NOMO1: variants seen among roughly 807,000 people sequenced by gnomAD.
NOMO1 encodes NODAL modulator 1, also known as nodal modulator 3.
A neutral mutation model predicts 133.8 loss-of-function variants in NOMO1; 40 were observed. The observed-to-expected ratio is 0.30, with a 90% CI of 0.23 to 0.39. NOMO1 has a LOEUF of 0.39. NOMO1 is among the 10% of genes least tolerant of loss of function. The pLI, the probability that NOMO1 is intolerant of heterozygous loss-of-function variation, is 1.00. For synonymous variants in NOMO1, 236 were observed against 570.5 expected (o/e 0.41, Z 8.36); for missense variants, 462 against 1,419.9 (o/e 0.33, Z 10.84).
At chr16:14,868,387 T>C (rs1964034518) in intron 15 of NOMO1, among the ~76,000 whole-genome samples, 161 bp from the exon 16 acceptor site, 1 of 122,694 alleles carries the variant, frequency 8.2e-6, no homozygotes, top group Admixed American at 8.5e-5. Context: ...ATAGCACACT[T>C]TTGTTGGAAG....
intron 11 of NOMO1, among the ~76,000 whole-genome samples, chr16:14,858,726 G>T (rs1407634596): frequency 4.6e-5 from 7 of 152,098 alleles, no homozygotes; most frequent in African/African-American, 1.7e-4. Context: ...GGCCATGAGT[G>T]GTTTTGAGCA....
At chr16:14,842,457 G>A (rs1240013275) in intron 3 of NOMO1, among the ~76,000 whole-genome samples, 1 of 149,714 alleles carries the variant, frequency 6.7e-6, no homozygotes, top group Non-Finnish European at 1.5e-5. Flanking sequence ...CCCTGCTCAT[G>A]GCCAAAGCAG....
intron 11 of NOMO1, among the ~76,000 whole-genome samples, chr16:14,860,576 C>T (rs982925320): frequency 2.0e-5 from 3 of 151,758 alleles, no homozygotes; most frequent in Non-Finnish European, 2.9e-5. Flanking sequence ...GGCGAGGGAG[C>T]GAGGAGTAGA....
chr16:14,847,001 T>C (rs926107276), intron 5 of NOMO1, among the ~76,000 whole-genome samples: 21 of 151,902 alleles, frequency 1.4e-4, no homozygotes, highest in Non-Finnish European at 2.9e-5. Flanking sequence ...GAGACCAGCC[T>C]GGACAACTTA....
rs374850436 is a variant in NOMO1 at position 14,853,947 on chromosome 16, A to G, written c.884A>G (p.Tyr295Cys). The change falls in exon 9 of 31, where the codon TAT becomes TGT. Residue 295 changes from tyrosine (Y) to cysteine (C), a missense_variant. By Grantham distance (194) the Tyr-to-Cys change is radical (BLOSUM62 -2). Coordinates refer to ENST00000287667, the MANE Select transcript of NOMO1 (RefSeq NM_014287.4). ...PSGGYTVIPF[Y>C]RGERITFDVA... is the part of the protein sequence containing the mutation. ...GACTCTTCCTTCCAGATTCCGTTCT[A>G]TCGAGGGGAGAGGATTACCTTTGAT... 3.8e-5 allele frequency: 62 copies of G among 1,610,464 alleles called. 1 individual carries two copies. The highest frequency in any genetic ancestry group is 5.5e-5 in the South Asian group (5 of 90,908).
intron 1 of NOMO1, among the ~76,000 whole-genome samples, chr16:14,836,695 T>C (rs1963516397): frequency 7.9e-6 from 1 of 127,002 alleles, no homozygotes. Flanking sequence ...TCCATTTTAC[T>C]TTTTTTTTTT....
At position 14,875,076 on chromosome 16, in the gene NOMO1, C is replaced by G. The variant is rs1185052137; in HGVS notation, c.2095C>G (p.Leu699Val). 5.0e-6 allele frequency: 8 copies of G among 1,613,698 alleles called. No homozygotes were observed. The highest frequency in any genetic ancestry group is 1.6e-4 in the Middle Eastern group (1 of 6,078). Residue 699 changes from leucine (L) to valine (V), a missense_variant, in exon 19 of 31, where the codon CTG (leucine) becomes GTG (valine). By Grantham distance (32) the Leu-to-Val change is conservative. Coordinates refer to ENST00000287667, the MANE Select transcript of NOMO1 (RefSeq NM_014287.4). Reference protein sequence around the residue: ...DSEPALVLGPLKSVQELRREQ... With the variant: ...DSEPALVLGPVKSVQELRREQ... ...TGAACCCGCCTTGGTCTTAGGCCCT[C>G]TGAAGTCTGTGCAGGAGCTGCGGAG... is the stretch of plus-strand genomic sequence containing the variant.
intron 11 of NOMO1, among the ~76,000 whole-genome samples, chr16:14,860,234 G>A (rs1963902453): frequency 6.6e-6 from 1 of 151,862 alleles, no homozygotes; most frequent in Admixed American, 6.6e-5. Flanking sequence ...GGGGCATGGT[G>A]ATGCGCGCCT....
intron 9 of NOMO1, among the ~76,000 whole-genome samples, chr16:14,856,919 C>A (rs2606825): frequency 5.7e-4 from 84 of 148,398 alleles, no homozygotes; most frequent in African/African-American, 1.5e-3. Flanking sequence ...GAGATGGCAC[C>A]GGGGTAAGGG....
rs554376472 is a variant in NOMO1, at chr16:14,884,400, A to T, written c.3140A>T (p.Asn1047Ile). 4.8e-5 allele frequency: 77 copies of T among 1,610,476 alleles called. No homozygotes were observed. In the South Asian group the frequency reaches 7.7e-4, roughly 16 times the overall value. The change falls in exon 27 of 31, where the codon AAC (asparagine) becomes ATC (isoleucine). Residue 1047 changes from asparagine (N) to isoleucine (I), a missense_variant. By Grantham distance (149) the Asn-to-Ile change is moderately radical (BLOSUM62 -3). Transcript: ENST00000287667. ...EVGNNDIDDV[N>I]IIVFRQINQF... is the part of the protein sequence containing the mutation. ...GGGAATAATGACATCGATGATGTAA[A>T]CATCATAGTTTTCCGGCAGATTAAT...
chr16:14,887,456 G>A (rs1332892789), intron 28 of NOMO1, among the ~76,000 whole-genome samples: 1 of 151,900 alleles, frequency 6.6e-6, no homozygotes, highest in African/African-American at 2.4e-5. Context: ...ACCACACCCG[G>A]CTAATTCTTT....
chr16:14,869,712 A>T (rs1257885229), intron 16 of NOMO1, among the ~76,000 whole-genome samples: 1 of 151,602 alleles, frequency 6.6e-6, no homozygotes, highest in Non-Finnish European at 1.5e-5. Context: ...ACATTCTTGT[A>T]CAAGTCTTTG....
intron 15 of NOMO1, among the ~76,000 whole-genome samples, chr16:14,867,524 T>C (rs373721366): frequency 1.1e-3 from 114 of 103,350 alleles, no homozygotes; most frequent in East Asian, 5.4e-3. Context: ...TTTGTTCCAG[T>C]GCAGGGGAAG....
intron 3 of NOMO1, among the ~76,000 whole-genome samples, chr16:14,842,649 C>T (rs1214106307): frequency 6.6e-6 from 1 of 151,992 alleles, no homozygotes; most frequent in Non-Finnish European, 1.5e-5. Flanking sequence ...ACTTCACCAG[C>T]ACCCCAGAAG....
At chr16:14,855,415 AGT>A in intron 9 of NOMO1, among the ~76,000 whole-genome samples, 1 of 151,790 alleles carries the variant, frequency 6.6e-6, no homozygotes, top group Non-Finnish European at 1.5e-5. Flanking sequence ...GCCTCTCCTA[AGT>A]GGACCACCCA....
At chr16:14,893,566 G>A (rs1964436497) in intron 29 of NOMO1, among the ~76,000 whole-genome samples, 1 of 152,022 alleles carries the variant, frequency 6.6e-6, no homozygotes, top group Non-Finnish European at 1.5e-5. Flanking sequence ...TACAGGAGTA[G>A]GCAGTTGTTG....
At chr16:14,839,073 G>C (rs1467409194) in intron 2 of NOMO1, among the ~76,000 whole-genome samples, 2 of 146,678 alleles carry the variant, frequency 1.4e-5, no homozygotes, top group African/African-American at 5.1e-5. Flanking sequence ...TTCTTCTTTT[G>C]AGATGGAGTC....
rs1459521156 is a variant in NOMO1 at position 14,860,272 on chromosome 16, G to A, written c.1220+2617G>A. ...AATCCCAGCAACTCAGGAGGCTGAG[G>A]CAGGAGAATCGCTTGAACCCGGGAG... On this transcript the variant is annotated intron_variant, in intron 11 of 30. Transcript: ENST00000287667. Among the ~76,000 whole-genome samples, 6 of 151,624 alleles carry A rather than the reference G, an allele frequency of 4.0e-5. No individual in the cohort carries two copies. The East Asian group carries it at 1.2e-3, about 29-fold the overall frequency.
In NOMO1 at chr16:14,857,610, A is replaced by G. The variant is rs142417260; in HGVS notation, c.1175A>G (p.Lys392Arg). 661 of 1,613,408 alleles carry G rather than the reference A, an allele frequency of 4.1e-4. 6 individuals carry two copies. Among genetic ancestry groups the G allele is most frequent in the South Asian group, 3.2e-3 (295 of 91,030 alleles). ...EHLYFETVTI[K>R]IAPNTPQLAD... ...CTCTACTTTGAAACGGTCACCATCA[A>G]AATTGCACCGAACACACCTCAGCTG... The change falls in exon 11 of 31, where the codon AAA becomes AGA. Residue 392 changes from lysine to arginine, a missense_variant. Physicochemically the swap from Lys to Arg is conservative, Grantham distance 26 (BLOSUM62 2). Coordinates refer to ENST00000287667, the MANE Select transcript of NOMO1 (RefSeq NM_014287.4).
Sources: gnomAD v4.1 joint callset for allele counts (sites outside exome capture counted in the v4.1 genomes callset) on GRCh38, gnomAD v4.1.1 for gene constraint, MANE v1.5 for transcripts, NCBI Gene and HGNC (gene_info 2026-07-23, HGNC 2026-07-21) for gene names.